FHIT: variants seen among roughly 807,000 people sequenced by gnomAD.
FHIT encodes the protein fragile histidine triad diadenosine triphosphatase.
Under a neutral mutation model 17.9 loss-of-function variants are expected in FHIT, and 19 were observed. The ratio of observed to expected loss-of-function variants is 1.06; its 90% confidence interval spans 0.74 to 1.56. The LOEUF (loss-of-function observed/expected upper bound fraction) is 1.56, where lower values mean the gene tolerates loss of function less well. Among genes scored for constraint, FHIT ranks in the 40% most tolerant of loss-of-function variants. The pLI, the probability that FHIT is intolerant of heterozygous loss-of-function variation, is 0.00. For synonymous variants in FHIT, 81 were observed against 69.7 expected (o/e 1.16, Z -0.81); for missense variants, 248 against 189.2 (o/e 1.31, Z -1.82).
intron 4 of FHIT, among the ~76,000 whole-genome samples, chr3:60,591,292 C>T (rs1363250300): frequency 2.0e-5 from 3 of 152,164 alleles, no homozygotes; most frequent in Non-Finnish European, 2.9e-5. Flanking sequence ...CATTAAACTA[C>T]AGCATGACCC....
intron 5 of FHIT, among the ~76,000 whole-genome samples, chr3:60,119,681 C>G (rs890143901): frequency 6.6e-6 from 1 of 152,154 alleles, no homozygotes; most frequent in African/African-American, 2.4e-5. Flanking sequence ...TTGGCATATA[C>G]TTGCCTCCTA....
At chr3:60,566,926 A>C (rs1168416731) in intron 4 of FHIT, among the ~76,000 whole-genome samples, 1 of 146,922 alleles carries the variant, frequency 6.8e-6, no homozygotes, top group Admixed American at 6.9e-5. Flanking sequence ...CTCTTCAAGG[A>C]GAACTACAAA....
At chr3:60,894,204 CA>C (rs1293538508) in intron 3 of FHIT, among the ~76,000 whole-genome samples, 1 of 152,052 alleles carries the variant, frequency 6.6e-6, no homozygotes, top group Non-Finnish European at 1.5e-5. Flanking sequence ...TATAGTTAAC[CA>C]CATCAAAAAA....
rs540084198 is a variant in FHIT, at chr3:60,494,838, T to C, written c.103+42022A>G. Among the ~76,000 whole-genome samples, 39 of 152,302 alleles carry C rather than the reference T, an allele frequency of 2.6e-4. No homozygotes were observed. In the South Asian group the frequency reaches 7.9e-3, roughly 31 times the overall value. ...TTTTTTGTGGATAAATAGTACTCCA[T>C]TGTGATTAAGTACCACATTTTTTAA... On this transcript the variant is annotated intron_variant, in intron 5 of 9. Coordinates refer to ENST00000492590, the MANE Select transcript of FHIT (RefSeq NM_002012.4).
intron 5 of FHIT, among the ~76,000 whole-genome samples, chr3:60,504,120 C>A (rs927512489): frequency 1.3e-5 from 2 of 152,114 alleles, no homozygotes; most frequent in African/African-American, 2.4e-5. Context: ...ATATTGATAG[C>A]CACCAATGTC....
chr3:60,353,495 TCTC>T (rs1699510666), intron 5 of FHIT, among the ~76,000 whole-genome samples: 1 of 152,122 alleles, frequency 6.6e-6, no homozygotes, highest in East Asian at 1.9e-4. Context: ...GTTCCCTACA[TCTC>T]CTTCTGCTGG....
intron 4 of FHIT, among the ~76,000 whole-genome samples, chr3:60,615,569 C>T (rs2856038): frequency 0.47 from 71,028 of 152,056 alleles, 16,810 homozygotes; most frequent in East Asian, 0.56. Flanking sequence ...TTCACCTATG[C>T]GGTAACTTAC....
intron 2 of FHIT, among the ~76,000 whole-genome samples, chr3:61,145,436 G>A (rs2107021172): frequency 6.6e-6 from 1 of 152,040 alleles, no homozygotes; most frequent in Admixed American, 6.5e-5. Flanking sequence ...AGTAAGTTTT[G>A]AAACTAGTAA....
chr3:60,050,344 T>C (rs1701821826), intron 5 of FHIT, among the ~76,000 whole-genome samples: 1 of 152,186 alleles, frequency 6.6e-6, no homozygotes, highest in African/African-American at 2.4e-5. Flanking sequence ...TCTACCCTAG[T>C]AAGAAATTGT....
At chr3:60,849,554 T>C (rs1013140006) in intron 3 of FHIT, among the ~76,000 whole-genome samples, 1 of 151,754 alleles carries the variant, frequency 6.6e-6, no homozygotes, top group Non-Finnish European at 1.5e-5. Flanking sequence ...GTGAGGTTTT[T>C]ACTTTGGAAG....
chr3:60,899,175 CACTT>C (rs569659791), intron 3 of FHIT, among the ~76,000 whole-genome samples: 1 of 152,274 alleles, frequency 6.6e-6, no homozygotes, highest in African/African-American at 2.4e-5. Context: ...TGATCAGAAA[CACTT>C]GCTTTAAAAT....
At chr3:59,936,119 A>G (rs1706225768) in intron 7 of FHIT, among the ~76,000 whole-genome samples, 1 of 152,048 alleles carries the variant, frequency 6.6e-6, no homozygotes, top group African/African-American at 2.4e-5. Context: ...CCAAGGGGAT[A>G]TATTTGTTCT....
At chr3:59,924,205 C>G (rs1474328280) in intron 7 of FHIT, among the ~76,000 whole-genome samples, 2 of 152,134 alleles carry the variant, frequency 1.3e-5, no homozygotes, top group African/African-American at 4.8e-5. Context: ...ATACAGACAA[C>G]CCTTAGAAGG....
At chr3:61,155,903 CTGTT>C (rs200429806) in intron 2 of FHIT, among the ~76,000 whole-genome samples, 3,769 of 152,272 alleles carry the variant, frequency 0.025, 61 homozygotes, top group Middle Eastern at 0.041. Context: ...TGTGCCCGAA[CTGTT>C]TGTTCAAATA....
At chr3:60,376,767 A>T (rs943432459) in intron 5 of FHIT, among the ~76,000 whole-genome samples, 1 of 152,196 alleles carries the variant, frequency 6.6e-6, no homozygotes. Flanking sequence ...AATGCTCTAT[A>T]ATGTTATTCT....
intron 8 of FHIT, among the ~76,000 whole-genome samples, chr3:59,844,607 T>C (rs1412421631): frequency 5.3e-5 from 8 of 152,202 alleles, no homozygotes; most frequent in Non-Finnish European, 1.0e-4. Flanking sequence ...CTTGCTCTGC[T>C]GTGATGTATT....
chr3:60,212,015 C>T (rs576542232), intron 5 of FHIT, among the ~76,000 whole-genome samples: 1 of 152,294 alleles, frequency 6.6e-6, no homozygotes, highest in South Asian at 2.1e-4. Context: ...GATAATAGTA[C>T]ACTAGGTTAA....
chr3:60,801,797 G>C (rs1161765324), intron 4 of FHIT, among the ~76,000 whole-genome samples: 1 of 152,166 alleles, frequency 6.6e-6, no homozygotes, highest in Non-Finnish European at 1.5e-5. Flanking sequence ...ATGAAAGCCT[G>C]ATACGGTAGG....
chr3:60,859,471 G>C (rs1183109409), intron 3 of FHIT, among the ~76,000 whole-genome samples: 2 of 152,044 alleles, frequency 1.3e-5, no homozygotes, highest in Non-Finnish European at 2.9e-5. Context: ...CCAAGCTTCA[G>C]TGGAGTTACG....
Sources: gnomAD v4.1 joint callset for allele counts (sites outside exome capture counted in the v4.1 genomes callset) on GRCh38, gnomAD v4.1.1 for gene constraint, MANE v1.5 for transcripts, NCBI Gene and HGNC (gene_info 2026-07-23, HGNC 2026-07-21) for gene names.